The following ANKLE1 variants were observed in gnomAD, a reference collection of about 807,000 sequenced individuals.
ANKLE1 encodes the protein structure-specific endonuclease ANKLE1.
In ANKLE1, 59 loss-of-function variants were observed where a neutral mutation model predicts 56.2. That is an observed-to-expected ratio of 1.05 (90% confidence interval 0.85 to 1.30). ANKLE1 has a LOEUF of 1.30. Ranked by LOEUF, ANKLE1 falls within the 50% of genes most tolerant of loss-of-function variation. The pLI is 0.00. For synonymous variants in ANKLE1, 341 were observed against 352.9 expected (o/e 0.97, Z 0.38); for missense variants, 771 against 816.1 (o/e 0.94, Z 0.67).
Position 17,283,923 on chromosome 19 carries a change from T to G in ANKLE1, c.1159T>G (p.Leu387Val). 1 of 1,610,466 alleles carries G rather than the reference T, an allele frequency of 6.2e-7. No individual in the cohort carries two copies. The highest frequency in any genetic ancestry group is 1.7e-4 in the Middle Eastern group (1 of 6,052). Residue 387 changes from leucine to valine, a missense_variant, in exon 5 of 9, where the codon TTG becomes GTG. Physicochemically the swap from Leu to Val is conservative, Grantham distance 32. Transcript: ENST00000404085. The part of the protein sequence containing the change: ...PHPITPFTRQ[L>V]YHQQLEEAQI... ...CCCCATCACACCCTTCACCAGGCAG[T>G]TGTACCACCAGCAGCTGGAAGAAGC... is the stretch of plus-strand genomic sequence containing the variant.
In ANKLE1 at chr19:17,285,523, G is replaced by C. The variant is rs763275647; in HGVS notation, c.1469G>C (p.Gly490Ala). 1.2e-5 allele frequency: 20 copies of C among 1,613,796 alleles called. No individual in the cohort carries two copies. The highest frequency in any genetic ancestry group is 1.7e-5 in the Admixed American group (1 of 59,984). ...CGTGCCATCTTCTACGTGGGCAAAG[G>C]GACGAGGGCCCGGCCATATGTCCAC... Reference protein sequence around the residue: ...FIRAIFYVGKGTRARPYVHLW... With the variant: ...FIRAIFYVGKATRARPYVHLW... The change falls in exon 7 of 9, where the codon GGG becomes GCG. Residue 490 changes from glycine (G) to alanine (A), a missense_variant. Transcript: ENST00000404085.
rs867714566 is a variant in ANKLE1 at position 17,283,476 on chromosome 19, C to T, written c.712C>T (p.Pro238Ser). Reference sequence around the variant, plus strand: ...AGCTGAGGACCCAGCCTCGGACACTCCCCCCTGGGCTGGGTCATTGCCACC... The same window carrying T: ...AGCTGAGGACCCAGCCTCGGACACTTCCCCCTGGGCTGGGTCATTGCCACC... Reference protein sequence around the residue: ...SGAEDPASDTPPWAGSLPPTR... With the variant: ...SGAEDPASDTSPWAGSLPPTR... Residue 238 changes from proline (P) to serine (S), a missense_variant, in exon 5 of 9, where the codon CCC (proline) becomes TCC (serine). Physicochemically the swap from Pro to Ser is moderately conservative, Grantham distance 74. Coordinates refer to ENST00000404085, the MANE Select transcript of ANKLE1 (RefSeq NM_152363.6). 6.2e-7 allele frequency: 1 copy of T among 1,612,320 alleles called. No individual in the cohort carries two copies. Among genetic ancestry groups the T allele is most frequent in the Non-Finnish European group, 8.5e-7 (1 of 1,179,188 alleles).
In ANKLE1 at chr19:17,281,928, C is replaced by A; in HGVS notation, c.8C>A (p.Ser3Ter). The A allele has an allele frequency of 6.5e-7, 1 of 1,534,638 alleles. No homozygotes were observed. ...TTCGGACCCAGCCAGGGCATGTGCT[C>A]GGAGGCCCGCCTGGCTCGCAGGTTG... The part of the protein sequence containing the change: MC[S>*]EARLARRLRD... The change falls in exon 1 of 9, where the codon TCG becomes TAG. Residue 3 changes from serine (S) to a stop codon, truncating the protein, a stop_gained. Transcript: ENST00000404085. LOFTEE classifies it high-confidence loss of function.
Position 17,283,325 on chromosome 19 carries a change from C to T in ANKLE1, c.561C>T (p.Asp187=), listed in dbSNP as rs771907576. The change falls in exon 5 of 9, where the codon GAC becomes GAT. Residue 187 remains aspartate, a synonymous_variant. Transcript: ENST00000404085. ...ACAGGGACATTGGCTTGGAGGCTGA[C>T]CCAGGACCCCCCAGCCTCCCTGTTC... ...GDNRDIGLEA[D]PGPPSLPVPL... is the part of the protein sequence containing the mutation. 5 of 1,613,262 alleles carry T rather than the reference C, an allele frequency of 3.1e-6. No individual in the cohort carries two copies. Among genetic ancestry groups the T allele is most frequent in the South Asian group, 1.1e-5 (1 of 91,090 alleles).
chr19:17,286,697 T>TGTGTGTGTGTAGG lies in ANKLE1; in HGVS notation c.*155_*156insAGGGTGTGTGTGT. The TGTGTGTGTGTAGG allele has an allele frequency of 1.4e-6, 2 of 1,469,786 alleles. No individual in the cohort carries two copies. Among genetic ancestry groups the TGTGTGTGTGTAGG allele is most frequent in the Admixed American group, 2.1e-5 (1 of 47,708 alleles). 91.0% of individuals were successfully genotyped at this position (1,469,786 alleles called of 1,614,324 possible). ...GTGTGTGTGTGTGTGTGTGTTTGTG[T>TGTGTGTGTGTAGG]GTGTGTGTGTGTGTGTAGGGAGCAC... On this transcript the variant is annotated 3_prime_UTR_variant, in exon 9 of 9. Coordinates refer to ENST00000404085, the MANE Select transcript of ANKLE1 (RefSeq NM_152363.6).
intron 6 of ANKLE1, among the ~76,000 whole-genome samples, chr19:17,284,684 C>CTTTTTTTTTTT (rs67967763): frequency 4.4e-5 from 4 of 91,940 alleles, no homozygotes; most frequent in Non-Finnish European, 8.3e-5. Context: ...GCACCGGCCT[C>CTTTTTTTTTTT]TTTTTTTTTT....
intron 8 of ANKLE1, 65 bp from the exon 9 acceptor site, chr19:17,286,315 C>A: frequency 6.6e-7 from 1 of 1,504,754 alleles, no homozygotes; most frequent in Admixed American, 2.2e-5. Flanking sequence ...TGCTGTCACA[C>A]ACTTCTGCTG....
chr19:17,286,742 G>A lies in ANKLE1; in HGVS notation c.*190G>A. On this transcript the variant is annotated 3_prime_UTR_variant, in exon 9 of 9. Coordinates refer to ENST00000404085, the MANE Select transcript of ANKLE1 (RefSeq NM_152363.6). ...GAGCACCCAGGCAGATCTCCCCCAGGCTGAGAGAGGACTTTGTTACAGATG... is the reference window on the plus strand; with the variant it reads ...GAGCACCCAGGCAGATCTCCCCCAGACTGAGAGAGGACTTTGTTACAGATG... The A allele has an allele frequency of 2.1e-6, 3 of 1,448,226 alleles. No homozygotes were observed. Among genetic ancestry groups the A allele is most frequent in the Non-Finnish European group, 2.7e-6 (3 of 1,097,604 alleles). The allele number at this position is 1,448,226 out of a possible 1,614,324, so 89.7% of individuals were successfully genotyped here.
In ANKLE1 at chr19:17,285,719, C is replaced by T; in HGVS notation, c.1575C>T (p.Asp525=). ...QACPKVRQIL[D]IWASGCGVVS... ...GCCCCAAGGTGCGTCAGATCTTGGACATCTGGGCCAGTGGTTGCGGTGTTG... is the reference window on the plus strand; with the variant it reads ...GCCCCAAGGTGCGTCAGATCTTGGATATCTGGGCCAGTGGTTGCGGTGTTG... Residue 525 remains aspartate (D), a synonymous_variant, in exon 8 of 9, where the codon GAC becomes GAT. Transcript: ENST00000404085. 1 of 1,613,978 alleles carries T rather than the reference C, an allele frequency of 6.2e-7. No homozygotes were observed. Among genetic ancestry groups the T allele is most frequent in the Non-Finnish European group, 8.5e-7 (1 of 1,179,892 alleles).
Position 17,283,021 on chromosome 19 carries a change from G to T in ANKLE1, c.460+19G>T. ...CCTGGCAGTGAGTAGGGCCTGCAGG[G>T]CTGCTGGGGCTTGACTTCTGGACCA... On this transcript the variant is annotated intron_variant, in intron 4 of 8. Coordinates refer to ENST00000404085, the MANE Select transcript of ANKLE1 (RefSeq NM_152363.6). The T allele has an allele frequency of 6.4e-7, 1 of 1,551,604 alleles. No homozygotes were observed. Among genetic ancestry groups the T allele is most frequent in the Non-Finnish European group, 8.7e-7 (1 of 1,154,886 alleles).
At position 17,286,818 on chromosome 19, in the gene ANKLE1, C is replaced by T; in HGVS notation, c.*266C>T. On this transcript the variant is annotated 3_prime_UTR_variant, in exon 9 of 9. Coordinates refer to ENST00000404085, the MANE Select transcript of ANKLE1 (RefSeq NM_152363.6). Reference sequence around the variant, plus strand: ...TGAGCTCCCCATCGTGGGAGGAGGACAAGAAGGGAAGCAGAAGGTGCTTTG... The same window carrying T: ...TGAGCTCCCCATCGTGGGAGGAGGATAAGAAGGGAAGCAGAAGGTGCTTTG... The T allele has an allele frequency of 1.5e-6, 2 of 1,311,976 alleles. No individual in the cohort carries two copies. The highest frequency in any genetic ancestry group is 2.0e-6 in the Non-Finnish European group (2 of 1,025,462). The allele number at this position is 1,311,976 out of a possible 1,614,324, so 81.3% of individuals were successfully genotyped here. A position where few individuals can be genotyped will look rare whatever the true frequency, so the allele number is the denominator to read the frequency against.
intron 2 of ANKLE1, 78 bp from the exon 3 acceptor site, chr19:17,282,578 C>T: frequency 7.2e-7 from 1 of 1,383,792 alleles, no homozygotes. Context: ...AACGAAGGCT[C>T]CAGGTCCCCA....
At chr19:17,285,234 G>C (rs905085126) in intron 6 of ANKLE1, among the ~76,000 whole-genome samples, 197 bp from the exon 7 acceptor site, 1 of 149,754 alleles carries the variant, frequency 6.7e-6, no homozygotes. Flanking sequence ...ACTCCAGCCT[G>C]GGGAACAAGA....
Position 17,282,516 on chromosome 19 carries a change from A to G in ANKLE1, c.216-140A>G. On this transcript the variant is annotated intron_variant, in intron 2 of 8. Transcript: ENST00000404085. ...GTCCTGGCCTGAGGTCATAGCATCT[A>G]GGTTCCAAGGGCAGTGTACCAGGGT... is the stretch of plus-strand genomic sequence containing the variant. 8.3e-6 allele frequency: 8 copies of G among 960,998 alleles called. No individual in the cohort carries two copies. In the South Asian group the frequency reaches 1.1e-4, roughly 14 times the overall value. 59.5% of individuals were successfully genotyped at this position (960,998 alleles called of 1,614,324 possible).
At chr19:17,284,310 TG>T in intron 6 of ANKLE1, 44 bp downstream of exon 6, 7 of 1,590,220 alleles carry the variant, frequency 4.4e-6, no homozygotes, top group Non-Finnish European at 6.0e-6. Flanking sequence ...CTAGAAAATT[TG>T]GGGATTGGTT....
chr19:17,286,666 G>GTT lies in ANKLE1; in HGVS notation c.*115_*116insTT, dbSNP rs2074036411. 3 of 843,442 alleles carry GTT rather than the reference G, an allele frequency of 3.6e-6. No individual in the cohort carries two copies. Among genetic ancestry groups the GTT allele is most frequent in the Non-Finnish European group, 5.1e-6 (3 of 591,348 alleles). 52.2% of individuals were successfully genotyped at this position (843,442 alleles called of 1,614,324 possible). On this transcript the variant is annotated 3_prime_UTR_variant, in exon 9 of 9. Coordinates refer to ENST00000404085, the MANE Select transcript of ANKLE1 (RefSeq NM_152363.6). ...AGAAGGGGTGTGTGTGTGTGTGTGT[G>GTT]TGTGTGTGTGTGTGTGTGTGTGTGT...
chr19:17,284,682 C>CTATT (rs1298303256), intron 6 of ANKLE1, among the ~76,000 whole-genome samples: 2 of 52,624 alleles, frequency 3.8e-5, no homozygotes, highest in Non-Finnish European at 4.3e-5. Context: ...CCGCACCGGC[C>CTATT]TCTTTTTTTT....
At position 17,283,874 on chromosome 19, in the gene ANKLE1, C is replaced by T. The variant is rs1489333018; in HGVS notation, c.1110C>T (p.Leu370=). 3 of 1,613,532 alleles carry T rather than the reference C, an allele frequency of 1.9e-6. No homozygotes were observed. Among genetic ancestry groups the T allele is most frequent in the East Asian group, 4.5e-5 (2 of 44,890 alleles). Residue 370 remains leucine, a synonymous_variant, in exon 5 of 9, where the codon CTC becomes CTT. Coordinates refer to ENST00000404085, the MANE Select transcript of ANKLE1 (RefSeq NM_152363.6). ...CTGACTTGGAGTTGCTGAAGGGACT[C>T]CGAGCACTTGGTGAGAATCCTCACC... is the stretch of plus-strand genomic sequence containing the variant. The part of the protein sequence containing the change: ...TVSDLELLKG[L]RALGENPHPI...
In ANKLE1 at chr19:17,285,819, G is replaced by C. The variant is rs1344189023; in HGVS notation, c.1675G>C (p.Gly559Arg). 1 of 1,613,430 alleles carries C rather than the reference G, an allele frequency of 6.2e-7. No homozygotes were observed. ...TREACIVEAL[G>R]IQTLTNQKQG... ...GGAGGCGTGTATTGTGGAAGCCCTA[G>C]GTGGGTGCCTGGTACCTAGAATGGG... Residue 559 changes from glycine to arginine, a missense_variant and splice_region_variant, in exon 8 of 9, where the codon GGG becomes CGG. Physicochemically the swap from Gly to Arg is moderately radical, Grantham distance 125. Transcript: ENST00000404085.
Sources: gnomAD v4.1 joint callset for allele counts (sites outside exome capture counted in the v4.1 genomes callset) on GRCh38, gnomAD v4.1.1 for gene constraint, MANE v1.5 for transcripts, NCBI Gene and HGNC (gene_info 2026-07-23, HGNC 2026-07-21) for gene names.